RUNDC3B: variants seen among roughly 807,000 people sequenced by gnomAD.
RUNDC3B encodes RUN domain-containing protein 3B.
A neutral mutation model predicts 58.4 loss-of-function variants in RUNDC3B; 33 were observed. The observed-to-expected ratio is 0.56, with a 90% CI of 0.43 to 0.75. The LOEUF is 0.75. RUNDC3B is among the 30% of genes least tolerant of loss of function. RUNDC3B has a pLI of 0.00. For missense variants in RUNDC3B, 501 were observed against 535.7 expected, an observed-to-expected ratio of 0.94 and a Z score of 0.64; for synonymous variants, 193 against 195.2, an observed-to-expected ratio of 0.99 and a Z score of 0.10.
chr7:87,666,417 AT>A (rs1211829083), intron 2 of RUNDC3B, among the ~76,000 whole-genome samples: 2 of 151,998 alleles, frequency 1.3e-5, no homozygotes, highest in South Asian at 2.1e-4. Flanking sequence ...GTTTGTAAAT[AT>A]TTTTTTCCCA....
intron 10 of RUNDC3B, among the ~76,000 whole-genome samples, chr7:87,816,610 T>G (rs755423959): frequency 4.6e-5 from 7 of 152,216 alleles, no homozygotes; most frequent in Non-Finnish European, 1.0e-4. Flanking sequence ...CTTATTCCAT[T>G]AAACTTCTCA....
In RUNDC3B at chr7:87,778,877, A is replaced by T. The variant is rs576289743; in HGVS notation, c.956+922A>T. Among the ~76,000 whole-genome samples the T allele has an allele frequency of 1.7e-4, 25 of 151,240 alleles. No homozygotes were observed. The East Asian group carries it at 4.9e-3, about 30-fold the overall frequency. ...TATTAATATTTAATCTTAAAAAAATAATTTAAATTTGTTTATTTTGAAATA... is the reference window on the plus strand; with the variant it reads ...TATTAATATTTAATCTTAAAAAAATTATTTAAATTTGTTTATTTTGAAATA... On this transcript the variant is annotated intron_variant, in intron 8 of 10. Coordinates refer to ENST00000394654, the MANE Select transcript of RUNDC3B (RefSeq NM_001134405.2).
chr7:87,687,649 G>A (rs1827601399), intron 2 of RUNDC3B, among the ~76,000 whole-genome samples: 1 of 152,134 alleles, frequency 6.6e-6, no homozygotes, highest in African/African-American at 2.4e-5. Flanking sequence ...ATTGATGGAA[G>A]AGTAATAATT....
intron 6 of RUNDC3B, among the ~76,000 whole-genome samples, chr7:87,747,539 G>C (rs1048327550): frequency 1.3e-5 from 2 of 152,116 alleles, no homozygotes; most frequent in African/African-American, 4.8e-5. Context: ...CGGGACCCTA[G>C]AACTCCCAAG....
intron 2 of RUNDC3B, among the ~76,000 whole-genome samples, chr7:87,699,763 A>G (rs1828854103): frequency 6.6e-6 from 1 of 152,196 alleles, no homozygotes; most frequent in Admixed American, 6.5e-5. Context: ...TCATGAACGG[A>G]TACATAGTTA....
At chr7:87,766,483 ATTTC>A (rs1488837258) in intron 6 of RUNDC3B, among the ~76,000 whole-genome samples, 2 of 152,004 alleles carry the variant, frequency 1.3e-5, no homozygotes, top group Non-Finnish European at 2.9e-5. Context: ...GAAGGACTTT[ATTTC>A]TTCTTCATTG....
intron 6 of RUNDC3B, among the ~76,000 whole-genome samples, chr7:87,752,219 T>G (rs1310283802): frequency 1.3e-5 from 2 of 152,220 alleles, no homozygotes; most frequent in African/African-American, 2.4e-5. Context: ...ATCCCAGGGA[T>G]GAAGCCCACT....
chr7:87,798,258 A>G (rs1294434492), intron 8 of RUNDC3B, among the ~76,000 whole-genome samples: 1 of 152,080 alleles, frequency 6.6e-6, no homozygotes, highest in Non-Finnish European at 1.5e-5. Context: ...TGAGTTTGTA[A>G]TTTTATTAGG....
At chr7:87,776,409 A>G (rs1268742892) in intron 7 of RUNDC3B, among the ~76,000 whole-genome samples, 2 of 152,172 alleles carry the variant, frequency 1.3e-5, no homozygotes, top group Non-Finnish European at 2.9e-5. Flanking sequence ...AGGCTCATCA[A>G]TATAGACAAA....
chr7:87,774,629 AC>A (rs1834516065), intron 7 of RUNDC3B, among the ~76,000 whole-genome samples: 2 of 152,208 alleles, frequency 1.3e-5, no homozygotes, highest in Admixed American at 6.5e-5. Context: ...TTTTATAAAT[AC>A]TACTTATCAA....
Position 87,831,379 on chromosome 7 carries a change from A to C in RUNDC3B, c.*1349A>C, listed in dbSNP as rs894572400. 1 of 151,812 alleles carries C rather than the reference A, an allele frequency of 6.6e-6. No individual in the cohort carries two copies. The highest frequency in any genetic ancestry group is 1.5e-5 in the Non-Finnish European group (1 of 67,854). 9.4% of individuals were successfully genotyped at this position (151,812 alleles called of 1,614,324 possible). A position where few individuals can be genotyped will look rare whatever the true frequency, so the allele number is the denominator to read the frequency against. Reference sequence around the variant, plus strand: ...TGTAGGAGTGTGGTGGTTTTCTGCAATATTTAGAGCTTAGTCTCATAATTT... The same window carrying C: ...TGTAGGAGTGTGGTGGTTTTCTGCACTATTTAGAGCTTAGTCTCATAATTT... On this transcript the variant is annotated 3_prime_UTR_variant, in exon 11 of 11. Coordinates refer to ENST00000394654, the MANE Select transcript of RUNDC3B (RefSeq NM_001134405.2).
intron 2 of RUNDC3B, among the ~76,000 whole-genome samples, chr7:87,664,551 G>A (rs1385400253): frequency 5.3e-5 from 8 of 152,020 alleles, no homozygotes. Context: ...TGGAAATTCT[G>A]AGTAGAGAAA....
chr7:87,816,125 C>T lies in RUNDC3B; in HGVS notation c.1104-16C>T. On this transcript the variant is annotated splice_polypyrimidine_tract_variant and intron_variant, in intron 9 of 10. Coordinates refer to ENST00000394654, the MANE Select transcript of RUNDC3B (RefSeq NM_001134405.2). ...GTGAAAAGAAATTCAAGTAGTATTT[C>T]ATCCTTGCTTTACAGGAAAAGTTAT... 2 of 1,577,908 alleles carry T rather than the reference C, an allele frequency of 1.3e-6. No individual in the cohort carries two copies. Among genetic ancestry groups the T allele is most frequent in the Non-Finnish European group, 8.7e-7 (1 of 1,154,174 alleles).
chr7:87,788,841 G>T (rs1391940266), intron 8 of RUNDC3B, among the ~76,000 whole-genome samples: 2 of 151,266 alleles, frequency 1.3e-5, no homozygotes, highest in African/African-American at 2.4e-5. Flanking sequence ...TATGCTAATT[G>T]GTGGAAAAAC....
chr7:87,756,926 A>C (rs1242646421), intron 6 of RUNDC3B, among the ~76,000 whole-genome samples: 8 of 152,140 alleles, frequency 5.3e-5, no homozygotes, highest in Non-Finnish European at 1.2e-4. Flanking sequence ...CCAGACCATG[A>C]CACTGAGCTT....
chr7:87,700,360 A>G, intron 2 of RUNDC3B, 61 bp from the exon 3 acceptor site: 2 of 1,370,852 alleles, frequency 1.5e-6, no homozygotes, highest in African/African-American at 1.5e-5. Context: ...TTGTTCTTGC[A>G]TTTTCAAGTC....
intron 8 of RUNDC3B, among the ~76,000 whole-genome samples, chr7:87,779,010 C>T (rs1231337700): frequency 6.6e-6 from 1 of 152,150 alleles, no homozygotes; most frequent in Non-Finnish European, 1.5e-5. Context: ...ATAATTCTCT[C>T]CCTTTCCCTA....
intron 1 of RUNDC3B, among the ~76,000 whole-genome samples, chr7:87,642,921 A>T (rs979187591): frequency 1.3e-5 from 2 of 152,070 alleles, no homozygotes; most frequent in Non-Finnish European, 2.9e-5. Context: ...AATTTTTAAA[A>T]TTTTCCTTTT....
chr7:87,659,209 A>G, intron 2 of RUNDC3B: 1 of 429,418 alleles, frequency 2.3e-6, no homozygotes, highest in Non-Finnish European at 4.6e-6. Context: ...AAGAAAGGAT[A>G]CAGTAAACAA....
Sources: allele counts gnomAD v4.1 joint callset (sites outside exome capture counted in the v4.1 genomes callset), GRCh38; gene constraint gnomAD v4.1.1; transcripts MANE v1.5; gene names NCBI Gene and HGNC (gene_info 2026-07-23, HGNC 2026-07-21).